CAMK1D: variants seen among roughly 807,000 people sequenced by gnomAD.
CAMK1D encodes calcium/calmodulin dependent protein kinase ID.
CAMK1D carries 9 observed loss-of-function variants against 47.7 expected under a neutral mutation model. The ratio of observed to expected loss-of-function variants is 0.19; its 90% confidence interval spans 0.11 to 0.33. The LOEUF is 0.33. Ranked by LOEUF, CAMK1D falls within the 10% of genes least tolerant of loss-of-function variation. The probability of loss-of-function intolerance (pLI) is 1.00; values close to 1 mark genes in which losing one functional copy is unlikely to be tolerated. For missense variants in CAMK1D, 291 were observed against 488.7 expected, an observed-to-expected ratio of 0.60 and a Z score of 3.81; for synonymous variants, 184 against 184.9, an observed-to-expected ratio of 0.99 and a Z score of 0.04.
chr10:12,655,496 A>G (rs1182907834), intron 2 of CAMK1D, among the ~76,000 whole-genome samples: 1 of 152,238 alleles, frequency 6.6e-6, no homozygotes, highest in Non-Finnish European at 1.5e-5. Flanking sequence ...CAAATCTTAG[A>G]ACCTTTTTTC....
chr10:12,662,147 T>C (rs1239244973), intron 2 of CAMK1D, among the ~76,000 whole-genome samples: 2 of 152,214 alleles, frequency 1.3e-5, no homozygotes, highest in African/African-American at 4.8e-5. Flanking sequence ...TTTAAAATTT[T>C]AATTAGGAAT....
At chr10:12,659,942 T>G (rs899363346) in intron 2 of CAMK1D, among the ~76,000 whole-genome samples, 2 of 152,180 alleles carry the variant, frequency 1.3e-5, no homozygotes, top group Non-Finnish European at 2.9e-5. Flanking sequence ...TGACGTAACT[T>G]TCTCCTTGCA....
intron 1 of CAMK1D, among the ~76,000 whole-genome samples, chr10:12,493,458 A>G (rs1247010501): frequency 1.3e-5 from 2 of 152,140 alleles, no homozygotes; most frequent in Non-Finnish European, 2.9e-5. Context: ...AAGAAAATGC[A>G]TGTATACACT....
At chr10:12,786,338 AT>A (rs770880469) in intron 5 of CAMK1D, among the ~76,000 whole-genome samples, 49 of 152,372 alleles carry the variant, frequency 3.2e-4, no homozygotes, top group Non-Finnish European at 5.1e-4. Context: ...TGGTTAAAAA[AT>A]ATTTGTATTT....
intron 1 of CAMK1D, among the ~76,000 whole-genome samples, chr10:12,377,463 G>T (rs1403195501): frequency 6.6e-6 from 1 of 152,138 alleles, no homozygotes; most frequent in Non-Finnish European, 1.5e-5. Context: ...GATATTCTTT[G>T]ACTTGAAGCT....
chr10:12,612,951 G>A (rs1007050686), intron 2 of CAMK1D, among the ~76,000 whole-genome samples: 1 of 152,140 alleles, frequency 6.6e-6, no homozygotes, highest in Non-Finnish European at 1.5e-5. Flanking sequence ...TAAGGAATAT[G>A]ATTGTTAATA....
chr10:12,619,858 C>CCCTG (rs1342798049), intron 2 of CAMK1D, among the ~76,000 whole-genome samples: 1 of 152,072 alleles, frequency 6.6e-6, no homozygotes, highest in Non-Finnish European at 1.5e-5. Context: ...TGATCTCACC[C>CCCTG]CCTGCCTAAC....
chr10:12,595,093 A>G (rs188409392), intron 2 of CAMK1D, among the ~76,000 whole-genome samples: 33 of 152,166 alleles, frequency 2.2e-4, no homozygotes, highest in African/African-American at 6.7e-4. Flanking sequence ...TGTAATCCCA[A>G]CACTATGGGA....
chr10:12,532,134 T>C (rs998221384), intron 1 of CAMK1D, among the ~76,000 whole-genome samples: 2 of 152,210 alleles, frequency 1.3e-5, no homozygotes, highest in Admixed American at 1.3e-4. Flanking sequence ...AAAATCTTAT[T>C]TTTTTATTTG....
At chr10:12,815,483 A>G (rs1057137096) in intron 7 of CAMK1D, among the ~76,000 whole-genome samples, 1 of 152,244 alleles carries the variant, frequency 6.6e-6, no homozygotes, top group African/African-American at 2.4e-5. Context: ...TAGTTGTACA[A>G]GGCTCGCGGG....
intron 1 of CAMK1D, among the ~76,000 whole-genome samples, chr10:12,453,009 TTC>T (rs1376217012): frequency 6.6e-6 from 1 of 152,102 alleles, no homozygotes. Flanking sequence ...ACTCCTCATC[TTC>T]TCTCCTCCCA....
chr10:12,782,728 G>A (rs3781069), intron 5 of CAMK1D, among the ~76,000 whole-genome samples: 34,878 of 152,120 alleles, frequency 0.23, 4,186 homozygotes, highest in East Asian at 0.46. Flanking sequence ...CCTGGACACA[G>A]ATACCTACTG....
chr10:12,791,898 T>G (rs1199509083), intron 6 of CAMK1D, among the ~76,000 whole-genome samples: 1 of 152,160 alleles, frequency 6.6e-6, no homozygotes, highest in African/African-American at 2.4e-5. Context: ...ACCATGCAGT[T>G]TTCTGTAGCA....
intron 2 of CAMK1D, among the ~76,000 whole-genome samples, chr10:12,654,851 T>TTGAGAC (rs1840074539): frequency 6.6e-6 from 1 of 152,220 alleles, no homozygotes; most frequent in Non-Finnish European, 1.5e-5. Flanking sequence ...TTCTCAGTAA[T>TTGAGAC]TTAGTAATAA....
intron 1 of CAMK1D, among the ~76,000 whole-genome samples, chr10:12,472,226 C>T (rs1418825712): frequency 6.6e-6 from 1 of 152,022 alleles, no homozygotes. Flanking sequence ...CCTTCATTTC[C>T]CCCTTGCCTG....
intron 2 of CAMK1D, among the ~76,000 whole-genome samples, chr10:12,588,904 GTA>G (rs527243224): frequency 4.3e-5 from 6 of 140,500 alleles, no homozygotes; most frequent in South Asian, 4.2e-4. Flanking sequence ...GTGTGTGTGT[GTA>G]TATATAACAT....
intron 5 of CAMK1D, among the ~76,000 whole-genome samples, chr10:12,789,777 A>G (rs1837896583): frequency 6.7e-6 from 1 of 150,056 alleles, no homozygotes; most frequent in African/African-American, 2.4e-5. Context: ...ATACATCATA[A>G]AAGAAGACCT....
intron 6 of CAMK1D, 61 bp downstream of exon 6, chr10:12,791,294 A>G: frequency 2.1e-6 from 3 of 1,458,888 alleles, no homozygotes; most frequent in Non-Finnish European, 2.9e-6. Context: ...TTGGTGAAAT[A>G]TACATGAAAC....
At chr10:12,666,462 C>G (rs1011143107) in intron 2 of CAMK1D, among the ~76,000 whole-genome samples, 7 of 152,110 alleles carry the variant, frequency 4.6e-5, no homozygotes, top group African/African-American at 1.2e-4. Context: ...TAGGTTTGGC[C>G]CATTTCTGGG....
Sources: allele counts gnomAD v4.1 joint callset (sites outside exome capture counted in the v4.1 genomes callset), GRCh38; gene constraint gnomAD v4.1.1; transcripts MANE v1.5; gene names NCBI Gene and HGNC (gene_info 2026-07-23, HGNC 2026-07-21).